KIF4A: variants seen among roughly 807,000 people sequenced by gnomAD.
KIF4A encodes the protein kinesin family member 4A.
KIF4A carries 7 observed loss-of-function variants against 105.9 expected under a neutral mutation model. That is an observed-to-expected ratio of 0.07 (90% confidence interval 0.04 to 0.12). KIF4A has a LOEUF of 0.12. KIF4A is among the 10% of genes least tolerant of loss of function. The pLI, the probability that KIF4A is intolerant of heterozygous loss-of-function variation, is 1.00. For missense variants in KIF4A, 558 were observed against 929.2 expected (o/e 0.60, Z 5.19); for synonymous variants, 281 against 331.3 (o/e 0.85, Z 1.65).
rs139691517 is a variant in KIF4A, at chrX:70,291,605, A to G, written c.235+800A>G. On this transcript the variant is annotated intron_variant, in intron 3 of 30. Transcript: ENST00000374403. The stretch of plus-strand genomic sequence containing the variant: ...TGAGAGATGTCTAATTATTATTCTA[A>G]TACAGTGGTTATTCAAGATTCAAAA... Among the ~76,000 whole-genome samples, 354 of 112,016 alleles carry G rather than the reference A, an allele frequency of 3.2e-3. 3 individuals are homozygous for G. The highest frequency in any genetic ancestry group is 0.011 in the African/African-American group (332 of 30,866).
chrX:70,363,158 C>T (rs904618236), intron 15 of KIF4A, among the ~76,000 whole-genome samples: 3 of 111,322 alleles, frequency 2.7e-5, no homozygotes, highest in Non-Finnish European at 5.6e-5. Flanking sequence ...AACCAGGACT[C>T]AAATTTTTGA....
At chrX:70,332,757 A>G (rs1465281561) in intron 9 of KIF4A, among the ~76,000 whole-genome samples, 4 of 111,223 alleles carry the variant, frequency 3.6e-5, no homozygotes, top group South Asian at 7.7e-4. Context: ...TCCAAAGCAC[A>G]TGCAAGGAGA....
chrX:70,369,739 A>G lies in KIF4A; in HGVS notation c.1675-4412A>G, dbSNP rs759833763. Among the ~76,000 whole-genome samples, 7 of 111,500 alleles carry G rather than the reference A, an allele frequency of 6.3e-5. No individual in the cohort carries two copies. In the East Asian group the frequency reaches 1.7e-3, roughly 27 times the overall value. On this transcript the variant is annotated intron_variant, in intron 15 of 30. Transcript: ENST00000374403. The stretch of plus-strand genomic sequence containing the variant: ...AAAATGGCAAGTTACAGAATAACAT[A>G]TATATATATAAAATTCTATGTTTAA...
intron 7 of KIF4A, among the ~76,000 whole-genome samples, chrX:70,312,101 G>C (rs758825976): frequency 9.4e-6 from 1 of 106,853 alleles, no homozygotes; most frequent in Admixed American, 1.0e-4. Context: ...TACAAACAAG[G>C]TCCACACATT....
rs1020245370 is a variant in KIF4A at position 70,334,267 on chromosome X, C to G, written c.1133+578C>G. ...TATTGTTACCAGAGTTTTACTGCTT[C>G]TAAGCACTCTGAGCAGGTAGAGCTC... On this transcript the variant is annotated intron_variant, in intron 10 of 30. Coordinates refer to ENST00000374403, the MANE Select transcript of KIF4A (RefSeq NM_012310.5). Among the ~76,000 whole-genome samples the G allele has an allele frequency of 4.5e-5, 5 of 112,172 alleles. 1 individual carries two copies. The highest frequency in any genetic ancestry group is 5.6e-5 in the Non-Finnish European group (3 of 53,195).
intron 13 of KIF4A, 65 bp from the exon 14 acceptor site, chrX:70,352,535 T>C: frequency 1.2e-6 from 1 of 839,632 alleles, no homozygotes; most frequent in Non-Finnish European, 1.8e-6. Flanking sequence ...AAATAACCAA[T>C]ATAAAATCCA....
intron 7 of KIF4A, among the ~76,000 whole-genome samples, chrX:70,303,656 T>G (rs2085813028): frequency 9.0e-6 from 1 of 111,521 alleles, no homozygotes; most frequent in East Asian, 2.8e-4. Context: ...AATGCTTTCT[T>G]TATCTTCTTT....
intron 7 of KIF4A, among the ~76,000 whole-genome samples, chrX:70,306,188 G>A (rs62607671): frequency 0.056 from 6,228 of 111,970 alleles, 151 homozygotes; most frequent in South Asian, 0.15. Flanking sequence ...TGGCATACTT[G>A]TCAAGAAGCA....
At chrX:70,312,140 C>CTTTT (rs527848699) in intron 7 of KIF4A, among the ~76,000 whole-genome samples, 14 of 78,050 alleles carry the variant, frequency 1.8e-4, no homozygotes, top group Non-Finnish European at 2.7e-4. Context: ...TTTTAAATGT[C>CTTTT]TTTTTTTTTT....
intron 15 of KIF4A, among the ~76,000 whole-genome samples, chrX:70,366,620 T>G (rs1411208323): frequency 8.9e-6 from 1 of 112,199 alleles, no homozygotes; most frequent in South Asian, 3.7e-4. Flanking sequence ...AGAGACAGTT[T>G]GTTATAATTT....
chrX:70,362,532 A>G (rs1208933611), intron 15 of KIF4A, among the ~76,000 whole-genome samples: 1 of 111,885 alleles, frequency 8.9e-6, no homozygotes, highest in Non-Finnish European at 1.9e-5. Flanking sequence ...TTAACTTAAG[A>G]AGAAATAAAT....
rs771038993 is a variant in KIF4A at position 70,376,250 on chromosome X, C to T, written c.2034+40C>T. The T allele has an allele frequency of 8.8e-6, 7 of 795,061 alleles. No homozygotes were observed. The South Asian group carries it at 1.6e-4, about 18-fold the overall frequency. The allele number at this position is 795,061 out of a possible 1,213,427, so 65.5% of individuals were successfully genotyped here. A position where few individuals can be genotyped will look rare whatever the true frequency, so the allele number is the denominator to read the frequency against. On this transcript the variant is annotated intron_variant, in intron 18 of 30. Coordinates refer to ENST00000374403, the MANE Select transcript of KIF4A (RefSeq NM_012310.5). The stretch of plus-strand genomic sequence containing the variant: ...CTTCTTGAAGGCCTAGGTAATAAAC[C>T]CTTCTCTGAGCTGACTAACAATTTT...
At chrX:70,296,672 C>T (rs765687296) in intron 3 of KIF4A, among the ~76,000 whole-genome samples, 1 of 112,661 alleles carries the variant, frequency 8.9e-6, no homozygotes, top group South Asian at 3.7e-4. Flanking sequence ...AATTTTCAAG[C>T]TCCAATGGCT....
intron 15 of KIF4A, among the ~76,000 whole-genome samples, chrX:70,364,029 A>G (rs915068558): frequency 4.4e-5 from 5 of 112,361 alleles, no homozygotes; most frequent in Non-Finnish European, 9.4e-5. Context: ...GTGGCTGCAT[A>G]AATGTCTTCT....
intron 20 of KIF4A, among the ~76,000 whole-genome samples, chrX:70,395,203 G>A (rs28642905): frequency 0.016 from 1,831 of 112,069 alleles, 35 homozygotes; most frequent in African/African-American, 0.056. Flanking sequence ...CCGAGATCAC[G>A]CCACTGCACT....
intron 18 of KIF4A, among the ~76,000 whole-genome samples, chrX:70,377,327 C>T (rs776005325): frequency 1.1e-4 from 12 of 111,562 alleles, no homozygotes; most frequent in East Asian, 2.8e-4. Flanking sequence ...TCACCTCGGC[C>T]TGCTAAAGTG....
intron 15 of KIF4A, among the ~76,000 whole-genome samples, chrX:70,362,007 G>A (rs376378410): frequency 8.9e-6 from 1 of 112,142 alleles, no homozygotes; most frequent in Non-Finnish European, 1.9e-5. Context: ...TGAATAAGGC[G>A]GACCTCCTCT....
chrX:70,314,148 A>G, intron 7 of KIF4A, among the ~76,000 whole-genome samples: 1 of 111,838 alleles, frequency 8.9e-6, no homozygotes, highest in African/African-American at 3.2e-5. Flanking sequence ...TCGAGGGTGG[A>G]AGAAACTTTT....
intron 9 of KIF4A, 127 bp downstream of exon 9, chrX:70,330,459 G>A (rs1602751398): frequency 9.7e-6 from 6 of 616,031 alleles, no homozygotes; most frequent in Middle Eastern, 4.5e-4. Context: ...TTTGTTCGGG[G>A]ACCTCTTAAA....
Sources: gnomAD v4.1 joint callset for allele counts (sites outside exome capture counted in the v4.1 genomes callset) on GRCh38, gnomAD v4.1.1 for gene constraint, MANE v1.5 for transcripts, NCBI Gene and HGNC (gene_info 2026-07-23, HGNC 2026-07-21) for gene names.